Variants in ATM observed in about 807,000 individuals in gnomAD.
ATM encodes serine-protein kinase ATM.
A neutral mutation model predicts 387.0 loss-of-function variants in ATM; 308 were observed. The ratio of observed to expected loss-of-function variants is 0.80; its 90% confidence interval spans 0.73 to 0.87. ATM has a LOEUF of 0.87. ATM is among the 40% of genes least tolerant of loss of function. The probability of loss-of-function intolerance (pLI) is 0.00; values close to 1 mark genes in which losing one functional copy is unlikely to be tolerated. For synonymous variants in ATM, 1,156 were observed against 1,187.3 expected, an observed-to-expected ratio of 0.97 and a Z score of 0.54; for missense variants, 3,312 against 3,560.9, an observed-to-expected ratio of 0.93 and a Z score of 1.78.
intron 59 of ATM, among the ~76,000 whole-genome samples, chr11:108,353,101 T>A (rs566422562): frequency 6.6e-6 from 1 of 152,334 alleles, no homozygotes; most frequent in African/African-American, 2.4e-5. Flanking sequence ...ATCTTTTCTG[T>A]ATGATTTCTT....
At chr11:108,253,306 A>G (rs904214514) in intron 12 of ATM, among the ~76,000 whole-genome samples, 2 of 152,198 alleles carry the variant, frequency 1.3e-5, no homozygotes, top group Non-Finnish European at 2.9e-5. Flanking sequence ...AAATAAATCT[A>G]AACCTGAGTT....
intron 33 of ATM, 105 bp from the exon 34 acceptor site, chr11:108,299,609 C>G: frequency 1.7e-6 from 2 of 1,209,084 alleles, no homozygotes; most frequent in Non-Finnish European, 2.4e-6. Flanking sequence ...AAGGTTAATT[C>G]TTGAAGTACA....
chr11:108,302,816 T>C (rs1378702996), intron 35 of ATM, 37 bp from the exon 36 acceptor site: 2 of 1,559,224 alleles, frequency 1.3e-6, no homozygotes, highest in East Asian at 4.5e-5. Flanking sequence ...TGATTTCCAC[T>C]TCTCTTATTT....
Position 108,327,630 on chromosome 11 carries a change from G to A in ATM, c.6976-15G>A. On this transcript the variant is annotated splice_polypyrimidine_tract_variant and intron_variant, in intron 47 of 62. Transcript: ENST00000675843. ...GTAATGCATTATATTTTAAGATTTTGCCTTTCTTATACAGAACAATCCCAG... is the reference window on the plus strand; with the variant it reads ...GTAATGCATTATATTTTAAGATTTTACCTTTCTTATACAGAACAATCCCAG... The A allele has an allele frequency of 6.3e-7, 1 of 1,594,256 alleles. No individual in the cohort carries two copies. The highest frequency in any genetic ancestry group is 8.6e-7 in the Non-Finnish European group (1 of 1,162,642).
intron 8 of ATM, among the ~76,000 whole-genome samples, chr11:108,248,669 A>G (rs1354113963): frequency 1.3e-5 from 2 of 152,104 alleles, no homozygotes; most frequent in African/African-American, 4.8e-5. Context: ...CGGGCAGATC[A>G]CCTGAGGTTG....
chr11:108,302,876 CA>C lies in ATM; in HGVS notation c.5346del (p.Glu1783LysfsTer10). On this transcript the variant is annotated frameshift_variant, in exon 36 of 63. Transcript: ENST00000675843. LOFTEE classifies it high-confidence loss of function. Reference protein sequence around the residue: ...KKFLEVPRFDKENPFEGLDDI... With the variant: ...KKFLEVPRFDXENPFEGLDDI... Reference sequence around the variant, plus strand: ...AGTTTTTAGAAGTACCCAGATTTGACAAAGAAAACCCTTTTGAAGGCCTGGA... The same window carrying C: ...AGTTTTTAGAAGTACCCAGATTTGACAAGAAAACCCTTTTGAAGGCCTGGA... 1 of 1,612,838 alleles carries C rather than the reference CA, an allele frequency of 6.2e-7. No homozygotes were observed.
chr11:108,247,172 T>G (rs2079896487), intron 8 of ATM, 45 bp downstream of exon 8: 14 of 1,606,822 alleles, frequency 8.7e-6, no homozygotes, highest in South Asian at 1.1e-5. Context: ...TCCTGTTAAT[T>G]TTTTTTTTAA....
Position 108,302,968 on chromosome 11 carries a change from C to T in ATM, c.5435C>T (p.Ala1812Val), listed in dbSNP as rs199885813. 8.1e-6 allele frequency: 13 copies of T among 1,613,372 alleles called. No individual in the cohort carries two copies. In the East Asian group the frequency reaches 2.9e-4, roughly 36 times the overall value. Reference sequence around the variant, plus strand: ...ATTTGGATAAAGACACTGACTTGTGCTTTTTTGGACAGTGGAGGCACAAAA... The same window carrying T: ...ATTTGGATAAAGACACTGACTTGTGTTTTTTTGGACAGTGGAGGCACAAAA... ...HDIWIKTLTCAFLDSGGTKCE... is the reference protein window; with the variant it reads ...HDIWIKTLTCVFLDSGGTKCE... Residue 1812 changes from alanine to valine, a missense_variant, in exon 36 of 63, where the codon GCT (alanine) becomes GTT (valine). Coordinates refer to ENST00000675843, the MANE Select transcript of ATM (RefSeq NM_000051.4).
At position 108,247,081 on chromosome 11, in the gene ATM, C is replaced by G. The variant is rs730881387; in HGVS notation, c.1019C>G (p.Ala340Gly). Residue 340 changes from alanine to glycine, a missense_variant, in exon 8 of 63, where the codon GCC (alanine) becomes GGC (glycine). Coordinates refer to ENST00000675843, the MANE Select transcript of ATM (RefSeq NM_000051.4). ...TATTCTTCAGGATTTCGTAATATTGCCGTCAAAGAAAATTTGATTGAATTG... is the reference window on the plus strand; with the variant it reads ...TATTCTTCAGGATTTCGTAATATTGGCGTCAAAGAAAATTTGATTGAATTG... ...GKYSSGFRNI[A>G]VKENLIELMA... is the part of the protein sequence containing the mutation. 2.5e-6 allele frequency: 4 copies of G among 1,613,766 alleles called. No individual in the cohort carries two copies. Among genetic ancestry groups the G allele is most frequent in the Non-Finnish European group, 2.5e-6 (3 of 1,179,880 alleles).
At position 108,259,196 on chromosome 11, in the gene ATM, T is replaced by C. The variant is rs1175976751; in HGVS notation, c.2466+121T>C. 7.5e-6 allele frequency: 7 copies of C among 937,222 alleles called. No homozygotes were observed. In the South Asian group the frequency reaches 8.5e-5, roughly 11 times the overall value. The allele number at this position is 937,222 out of a possible 1,614,324, so 58.1% of individuals were successfully genotyped here. A position where few individuals can be genotyped will look rare whatever the true frequency, so the allele number is the denominator to read the frequency against. ...ATATAGCTCTTAACATTTTTACAAA[T>C]GTGGAAATTAAGGCCAGGTGCGGTG... On this transcript the variant is annotated intron_variant, in intron 16 of 62. Transcript: ENST00000675843.
chr11:108,283,669 T>C (rs920054773), intron 25 of ATM, among the ~76,000 whole-genome samples: 4 of 152,198 alleles, frequency 2.6e-5, no homozygotes, highest in African/African-American at 9.7e-5. Context: ...TCTCTGTATA[T>C]GCGAGGGATT....
chr11:108,335,641 G>C (rs371032532), intron 55 of ATM, among the ~76,000 whole-genome samples: 2 of 152,108 alleles, frequency 1.3e-5, no homozygotes, highest in Non-Finnish European at 2.9e-5. Flanking sequence ...CAGAAGTAGC[G>C]AGGGGAAACT....
intron 46 of ATM, 125 bp from the exon 47 acceptor site, chr11:108,325,933 A>G: frequency 8.3e-7 from 1 of 1,203,824 alleles, no homozygotes; most frequent in Admixed American, 2.0e-5. Context: ...GAGGTCCTTA[A>G]GATAGTCCCT....
chr11:108,235,827 G>A lies in ATM; in HGVS notation c.489G>A (p.Gln163=), dbSNP rs1057523087. The A allele has an allele frequency of 6.2e-7, 1 of 1,613,810 alleles. No homozygotes were observed. Among genetic ancestry groups the A allele is most frequent in the Non-Finnish European group, 8.5e-7 (1 of 1,179,850 alleles). ...ACTGGTGTGAAATATCTCAGCAACA[G>A]TGGTTAGGTATGTTTTGAAGGTTGT... ...RKYWCEISQQ[Q]WLELFSVYFR... The change falls in exon 5 of 63, where the codon CAG becomes CAA. Residue 163 remains glutamine, a synonymous_variant. Transcript: ENST00000675843.
intron 16 of ATM, among the ~76,000 whole-genome samples, chr11:108,259,634 G>A (rs2080738467): frequency 6.6e-6 from 1 of 152,106 alleles, no homozygotes; most frequent in Non-Finnish European, 1.5e-5. Context: ...TTTAAAAATT[G>A]GGAACGAATC....
intron 54 of ATM, among the ~76,000 whole-genome samples, chr11:108,334,624 C>G (rs192487418): frequency 2.0e-5 from 3 of 152,254 alleles, no homozygotes; most frequent in Non-Finnish European, 4.4e-5. Flanking sequence ...TGCTGTTTTT[C>G]TAGCTATATC....
chr11:108,326,420 ATCAG>A (rs1475667502), intron 47 of ATM, among the ~76,000 whole-genome samples, 195 bp downstream of exon 47: 1 of 152,244 alleles, frequency 6.6e-6, no homozygotes, highest in Non-Finnish European at 1.5e-5. Flanking sequence ...TCACAATTCT[ATCAG>A]TCCATCATGT....
chr11:108,332,359 G>A (rs2086353956), intron 52 of ATM, among the ~76,000 whole-genome samples: 1 of 152,122 alleles, frequency 6.6e-6, no homozygotes. Context: ...TTGAACTCGG[G>A]AGGCGGAGGT....
chr11:108,271,827 A>G (rs1470821697), intron 20 of ATM, among the ~76,000 whole-genome samples: 1 of 152,210 alleles, frequency 6.6e-6, no homozygotes, highest in African/African-American at 2.4e-5. Flanking sequence ...CCCTTGTACT[A>G]TCTGATTGCT....
Sources: gnomAD v4.1 joint callset for allele counts (sites outside exome capture counted in the v4.1 genomes callset) on GRCh38, gnomAD v4.1.1 for gene constraint, MANE v1.5 for transcripts, NCBI Gene and HGNC (gene_info 2026-07-23, HGNC 2026-07-21) for gene names.